PCLO: variants seen among roughly 807,000 people sequenced by gnomAD.
PCLO encodes the protein protein piccolo.
A neutral mutation model predicts 427.5 loss-of-function variants in PCLO; 82 were observed. The ratio of observed to expected loss-of-function variants is 0.19; its 90% CI spans 0.16 to 0.23. The LOEUF is 0.23. PCLO is among the 10% of genes least tolerant of loss of function. PCLO has a pLI of 1.00. For synonymous variants in PCLO, 2,357 were observed against 2,155.4 expected (o/e 1.09, Z -2.59); for missense variants, 6,239 against 6,115.9 (o/e 1.02, Z -0.67).
In PCLO at chr7:82,944,850, C is replaced by T. The variant is rs1290986113; in HGVS notation, c.11112+4626G>A. ...ACTTGGTGATGGGAAGGTAATAAACCTTATTCACTTAATCTTTACAAATAA... is the reference window on the plus strand; with the variant it reads ...ACTTGGTGATGGGAAGGTAATAAACTTTATTCACTTAATCTTTACAAATAA... On this transcript the variant is annotated intron_variant, in intron 6 of 24. Coordinates refer to ENST00000333891, the MANE Select transcript of PCLO (RefSeq NM_033026.6). Among the ~76,000 whole-genome samples the T allele has an allele frequency of 3.3e-5, 5 of 152,272 alleles. No homozygotes were observed. In the East Asian group the frequency reaches 9.6e-4, roughly 29 times the overall value.
intron 3 of PCLO, among the ~76,000 whole-genome samples, chr7:83,110,404 AAT>A (rs1273650151): frequency 1.3e-5 from 2 of 151,792 alleles, no homozygotes; most frequent in African/African-American, 4.8e-5. Flanking sequence ...GTTTTCCTTA[AAT>A]ATGTCTCTTT....
intron 6 of PCLO, among the ~76,000 whole-genome samples, chr7:82,945,631 G>A (rs1350899878): frequency 3.9e-5 from 6 of 152,080 alleles, no homozygotes; most frequent in African/African-American, 9.7e-5. Flanking sequence ...TTATGAGAGC[G>A]CTAGCAAACT....
chr7:83,022,882 T>C (rs1788380498), intron 3 of PCLO, among the ~76,000 whole-genome samples: 1 of 152,192 alleles, frequency 6.6e-6, no homozygotes, highest in South Asian at 2.1e-4. Flanking sequence ...CCCTCAGAAC[T>C]TTATGGACAA....
Position 82,949,955 on chromosome 7 carries a change from C to T in PCLO, c.10633G>A (p.Ala3545Thr). ...RTPSIRARVD[A>T]KVEIIKHISA... is the part of the protein sequence containing the mutation. Reference sequence around the variant, plus strand: ...ATGTGTTTAATTATTTCTACCTTGGCATCCACTCGTGCCCGTATGGAGGGT... The same window carrying T: ...ATGTGTTTAATTATTTCTACCTTGGTATCCACTCGTGCCCGTATGGAGGGT... Residue 3545 changes from alanine (A) to threonine (T), a missense_variant, in exon 6 of 25, where the codon GCC becomes ACC. By Grantham distance (58) the Ala-to-Thr change is moderately conservative. Transcript: ENST00000333891. The T allele has an allele frequency of 6.2e-7, 1 of 1,613,604 alleles. No individual in the cohort carries two copies. Among genetic ancestry groups the T allele is most frequent in the Non-Finnish European group, 8.5e-7 (1 of 1,179,816 alleles).
chr7:83,155,455 C>G lies in PCLO; in HGVS notation c.1186G>C (p.Gly396Arg), dbSNP rs371446716. ...TGTTGAGCTGGAGTCTTTCCAACTC[C>G]AGGAGGCTGAGCTAAAGCCTTTGGC... ...PGPKALAQPP[G>R]VGKTPAQQPG... Residue 396 changes from glycine to arginine, a missense_variant, in exon 2 of 25, where the codon GGA becomes CGA. Physicochemically the swap from Gly to Arg is moderately radical, Grantham distance 125. This residue lies in a region of PCLO where 4,677 missense variants were observed against 4,468.4 expected (regional missense o/e 1.05). Coordinates refer to ENST00000333891, the MANE Select transcript of PCLO (RefSeq NM_033026.6). 19 of 1,610,894 alleles carry G rather than the reference C, an allele frequency of 1.2e-5. No individual in the cohort carries two copies. Among genetic ancestry groups the G allele is most frequent in the Non-Finnish European group, 1.6e-5 (19 of 1,178,948 alleles).
chr7:83,118,115 T>C (rs1436625818), intron 3 of PCLO, among the ~76,000 whole-genome samples: 1 of 152,164 alleles, frequency 6.6e-6, no homozygotes, highest in Non-Finnish European at 1.5e-5. Flanking sequence ...GCATTTCGAA[T>C]ACATAAAATT....
chr7:82,849,032 G>T (rs899281998), intron 10 of PCLO: 4 of 242,550 alleles, frequency 1.6e-5, no homozygotes, highest in Non-Finnish European at 3.5e-5. Flanking sequence ...AAATAAGGAG[G>T]AAGAGTACAT....
intron 4 of PCLO, among the ~76,000 whole-genome samples, chr7:82,962,240 C>T (rs745309767): frequency 4.6e-5 from 7 of 152,028 alleles, no homozygotes; most frequent in Non-Finnish European, 1.0e-4. Context: ...TTTTCTAGTA[C>T]TTTATAAGTT....
intron 22 of PCLO, among the ~76,000 whole-genome samples, chr7:82,792,801 G>T (rs1194245454): frequency 6.6e-6 from 1 of 151,672 alleles, no homozygotes; most frequent in Non-Finnish European, 1.5e-5. Context: ...AAATAATTTT[G>T]TATTGCCTTT....
chr7:82,794,258 T>C (rs1791167592), intron 22 of PCLO, among the ~76,000 whole-genome samples: 1 of 151,932 alleles, frequency 6.6e-6, no homozygotes, highest in South Asian at 2.1e-4. Context: ...TTTTCTTTAG[T>C]TTAAAGAAAT....
chr7:83,154,675 T>G, intron 2 of PCLO, 73 bp downstream of exon 2: 1 of 1,083,548 alleles, frequency 9.2e-7, no homozygotes, highest in South Asian at 1.4e-5. Context: ...CATATATGTG[T>G]TTAGTTAAGC....
intron 20 of PCLO, among the ~76,000 whole-genome samples, chr7:82,811,272 A>AC: frequency 6.6e-6 from 1 of 151,520 alleles, no homozygotes; most frequent in African/African-American, 2.4e-5. Flanking sequence ...GGGAATTTTT[A>AC]CCCCCTGTAG....
intron 3 of PCLO, among the ~76,000 whole-genome samples, chr7:82,977,588 AT>A (rs1796049612): frequency 6.6e-6 from 1 of 151,284 alleles, no homozygotes; most frequent in African/African-American, 2.4e-5. Context: ...AATTTTTTGT[AT>A]TTTCAGTAGA....
chr7:82,939,555 C>T (rs919009131), intron 6 of PCLO, among the ~76,000 whole-genome samples: 30 of 149,766 alleles, frequency 2.0e-4, no homozygotes, highest in African/African-American at 6.9e-4. Context: ...TATTTTTTTC[C>T]CATTGGAAAT....
At chr7:82,898,633 A>C (rs903918966) in intron 9 of PCLO, among the ~76,000 whole-genome samples, 17 of 151,396 alleles carry the variant, frequency 1.1e-4, no homozygotes, top group Non-Finnish European at 1.6e-4. Flanking sequence ...TTCCTTGCTT[A>C]AATCTTTGTC....
chr7:82,940,755 C>CTTTCTTTTTTTTTTTTTTTTTTTT (rs1562870330), intron 6 of PCLO, among the ~76,000 whole-genome samples: 1 of 109,138 alleles, frequency 9.2e-6, no homozygotes, highest in Non-Finnish European at 1.8e-5. Context: ...TTTTTTCTTT[C>CTTTCTTTTTTTTTTTTTTTTTTTT]TTTTTTTTTT....
chr7:83,127,002 T>C (rs984199985), intron 3 of PCLO, among the ~76,000 whole-genome samples: 3 of 152,126 alleles, frequency 2.0e-5, no homozygotes, highest in African/African-American at 7.2e-5. Context: ...CCCATTTACC[T>C]GAATACATCC....
rs1216522220 is a variant in PCLO, at chr7:83,135,557, G to A, written c.1993C>T (p.Pro665Ser). Residue 665 changes from proline to serine, a missense_variant, in exon 3 of 25, where the codon CCT becomes TCT. Physicochemically the swap from Pro to Ser is moderately conservative, Grantham distance 74 (BLOSUM62 -1). Around this residue, in one of 5 missense-constraint regions of PCLO, gnomAD observed 4,677 missense variants for 4,468.4 expected, o/e 1.05. Transcript: ENST00000333891. ...SSPQPKLKTA[P>S]VTTTSAVSKS... ...CTCACTGCTGATGTAGTGGTAACAG[G>A]TGCAGTCTTCAGTTTGGGCTGGGGT... The A allele has an allele frequency of 1.9e-6, 3 of 1,613,466 alleles. No homozygotes were observed. Among genetic ancestry groups the A allele is most frequent in the African/African-American group, 1.3e-5 (1 of 74,794 alleles).
chr7:83,034,979 T>C (rs1788758784), intron 3 of PCLO, among the ~76,000 whole-genome samples: 1 of 152,244 alleles, frequency 6.6e-6, no homozygotes, highest in Admixed American at 6.5e-5. Flanking sequence ...CAGTCAATTA[T>C]AATACAAAAT....
Sources: allele counts gnomAD v4.1 joint callset (sites outside exome capture counted in the v4.1 genomes callset), GRCh38; gene constraint gnomAD v4.1.1; regional missense constraint gnomAD v4.1.1; transcripts MANE v1.5; gene names NCBI Gene and HGNC (gene_info 2026-07-23, HGNC 2026-07-21).